Variants in LHFPL3 observed in about 807,000 individuals in gnomAD.
LHFPL3 encodes the protein LHFPL tetraspan subfamily member 3 protein.
LHFPL3 carries 5 observed loss-of-function variants against 19.3 expected under a neutral mutation model. That is an observed-to-expected ratio of 0.26 (90% CI 0.14 to 0.54). The LOEUF (loss-of-function observed/expected upper bound fraction) is 0.54. Among genes scored for constraint, LHFPL3 ranks in the 20% least tolerant of loss-of-function variants. LHFPL3 has a pLI of 0.94. For missense variants in LHFPL3, 249 were observed against 307.4 expected (o/e 0.81, Z 1.42); for synonymous variants, 133 against 126.2 (o/e 1.05, Z -0.36).
rs540585140 is a variant in LHFPL3 at position 104,449,075 on chromosome 7, T to C, written c.445+119851T>C. On this transcript the variant is annotated intron_variant, in intron 1 of 2. Transcript: ENST00000424859. ...CTTCAGGATAAAATTATAACATGGA[T>C]TTTTGTATCTTCTCCTGAGTGACAA... Among the ~76,000 whole-genome samples the C allele has an allele frequency of 6.6e-4, 100 of 152,328 alleles. 1 individual carries two copies. The South Asian group carries it at 0.02, about 31-fold the overall frequency.
At chr7:104,513,780 T>C (rs1793866938) in intron 1 of LHFPL3, among the ~76,000 whole-genome samples, 1 of 152,188 alleles carries the variant, frequency 6.6e-6, no homozygotes, top group Non-Finnish European at 1.5e-5. Context: ...CTGATTAAAG[T>C]GATCTTGGGT....
At chr7:104,644,907 G>A (rs537863400) in intron 1 of LHFPL3, among the ~76,000 whole-genome samples, 1 of 152,258 alleles carries the variant, frequency 6.6e-6, no homozygotes, top group Non-Finnish European at 1.5e-5. Flanking sequence ...GCTCCTAAGT[G>A]GTTTTGAAAA....
At chr7:104,480,335 C>A (rs760755364) in intron 1 of LHFPL3, among the ~76,000 whole-genome samples, 12 of 152,080 alleles carry the variant, frequency 7.9e-5, no homozygotes, top group Non-Finnish European at 1.3e-4. Flanking sequence ...CACCCCCCGT[C>A]CCCCCACCGC....
At chr7:104,823,376 G>A (rs564660509) in intron 2 of LHFPL3, among the ~76,000 whole-genome samples, 17 of 152,244 alleles carry the variant, frequency 1.1e-4, no homozygotes, top group Admixed American at 7.8e-4. Context: ...AAATGAGAGG[G>A]CTGGACCAGG....
chr7:104,754,500 C>T (rs777862954), intron 2 of LHFPL3, among the ~76,000 whole-genome samples: 3 of 152,150 alleles, frequency 2.0e-5, no homozygotes, highest in Admixed American at 6.6e-5. Context: ...AGCTGTGGAT[C>T]CTGAGCAAAT....
chr7:104,765,142 G>T (rs1292176439), intron 2 of LHFPL3, among the ~76,000 whole-genome samples: 8 of 152,134 alleles, frequency 5.3e-5, no homozygotes, highest in African/African-American at 1.7e-4. Context: ...GAAAAATTTT[G>T]TTGGACTCTT....
chr7:104,491,213 A>C (rs1283284867), intron 1 of LHFPL3, among the ~76,000 whole-genome samples: 1 of 152,106 alleles, frequency 6.6e-6, no homozygotes, highest in African/African-American at 2.4e-5. Flanking sequence ...TTGCATCAGC[A>C]ATCAGATGAC....
chr7:104,841,170 C>G (rs1462264635), intron 2 of LHFPL3, among the ~76,000 whole-genome samples: 1 of 152,172 alleles, frequency 6.6e-6, no homozygotes, highest in African/African-American at 2.4e-5. Flanking sequence ...AAGAAATCCT[C>G]TCCCATCTTA....
At chr7:104,446,632 G>C (rs1792335229) in intron 1 of LHFPL3, among the ~76,000 whole-genome samples, 1 of 152,102 alleles carries the variant, frequency 6.6e-6, no homozygotes. Context: ...CTGGAGTGCA[G>C]TGGCATGACC....
At chr7:104,812,803 CAAAAAAAAAAAA>C (rs59809377) in intron 2 of LHFPL3, among the ~76,000 whole-genome samples, 2 of 31,314 alleles carry the variant, frequency 6.4e-5, no homozygotes, top group African/African-American at 2.5e-4. Context: ...GACTCCATCT[CAAAAAAAAAAAA>C]AAAAAAAAAA....
intron 2 of LHFPL3, among the ~76,000 whole-genome samples, chr7:104,858,586 A>G (rs1002827490): frequency 1.3e-5 from 2 of 152,020 alleles, no homozygotes; most frequent in African/African-American, 4.8e-5. Context: ...CCTTCAGCAC[A>G]CCTCCACCCT....
At position 104,845,674 on chromosome 7, in the gene LHFPL3, G is replaced by A. The variant is rs1313541037; in HGVS notation, c.683-60513G>A. Among the ~76,000 whole-genome samples the A allele has an allele frequency of 4.6e-5, 7 of 152,224 alleles. No individual in the cohort carries two copies. The South Asian group carries it at 1.0e-3, about 23-fold the overall frequency. ...CTGGCACCTCCCTGGGAAGGAGCTG[G>A]GGAGTCCTGGGGGATGTGTTTGGTT... On this transcript the variant is annotated intron_variant, in intron 2 of 2. Coordinates refer to ENST00000424859, the MANE Select transcript of LHFPL3 (RefSeq NM_199000.3).
chr7:104,606,584 A>G (rs761838082), intron 1 of LHFPL3, among the ~76,000 whole-genome samples: 2 of 152,220 alleles, frequency 1.3e-5, no homozygotes, highest in Non-Finnish European at 2.9e-5. Context: ...GTGAGATCCT[A>G]TATGAGAAGG....
intron 2 of LHFPL3, among the ~76,000 whole-genome samples, chr7:104,839,140 A>G (rs1791150957): frequency 6.6e-6 from 1 of 152,160 alleles, no homozygotes; most frequent in African/African-American, 2.4e-5. Context: ...GGAGAGAGAA[A>G]TTTCCCCTCA....
Position 104,329,199 on chromosome 7 carries a change from A to T in LHFPL3, c.420A>T (p.Ile140=). 3.7e-6 allele frequency: 6 copies of T among 1,609,662 alleles called. No homozygotes were observed. The highest frequency in any genetic ancestry group is 5.1e-6 in the Non-Finnish European group (6 of 1,176,526). The part of the protein sequence containing the change: ...FFCNTATVYK[I]CAWMQLTSAA... ...GCAACACGGCCACTGTGTACAAGAT[A>T]TGTGCCTGGATGCAGCTCACCTCCG... Residue 140 remains isoleucine (I), a synonymous_variant, in exon 1 of 3, where the codon ATA becomes ATT. Coordinates refer to ENST00000424859, the MANE Select transcript of LHFPL3 (RefSeq NM_199000.3).
intron 1 of LHFPL3, among the ~76,000 whole-genome samples, chr7:104,609,046 C>A (rs1484326249): frequency 6.6e-6 from 1 of 151,976 alleles, no homozygotes; most frequent in South Asian, 2.1e-4. Context: ...GAGGGCGGAT[C>A]ACAAGGTCAG....
At chr7:104,865,910 G>A (rs1791711933) in intron 2 of LHFPL3, among the ~76,000 whole-genome samples, 1 of 152,132 alleles carries the variant, frequency 6.6e-6, no homozygotes, top group Non-Finnish European at 1.5e-5. Flanking sequence ...AAGAGAGTGG[G>A]GGCCAATATT....
intron 1 of LHFPL3, among the ~76,000 whole-genome samples, chr7:104,696,454 G>A (rs1440446350): frequency 6.6e-6 from 1 of 150,600 alleles, no homozygotes; most frequent in Non-Finnish European, 1.5e-5. Flanking sequence ...AGGTGTGTGT[G>A]TGTGTGTGTG....
intron 1 of LHFPL3, among the ~76,000 whole-genome samples, chr7:104,537,253 T>C (rs895709441): frequency 1.1e-4 from 16 of 152,178 alleles, no homozygotes; most frequent in Non-Finnish European, 1.9e-4. Flanking sequence ...GAGAGTGACA[T>C]TTCCAGTTAA....
Sources: allele counts gnomAD v4.1 joint callset (sites outside exome capture counted in the v4.1 genomes callset), GRCh38; gene constraint gnomAD v4.1.1; transcripts MANE v1.5; gene names NCBI Gene and HGNC (gene_info 2026-07-23, HGNC 2026-07-21).